Variants in DLG2 observed in about 807,000 individuals in gnomAD.
DLG2 encodes the protein disks large homolog 2.
In DLG2, 45 loss-of-function variants were observed where a neutral mutation model predicts 132.5. The observed-to-expected ratio is 0.34, with a 90% CI of 0.27 to 0.44. The LOEUF (loss-of-function observed/expected upper bound fraction) is 0.44. Among genes scored for constraint, DLG2 ranks in the 20% least tolerant of loss-of-function variants. The pLI, the probability that DLG2 is intolerant of heterozygous loss-of-function variation, is 1.00. For missense variants in DLG2, 1,045 were observed against 1,196.9 expected, an observed-to-expected ratio of 0.87 and a Z score of 1.87; for synonymous variants, 424 against 419.6, an observed-to-expected ratio of 1.01 and a Z score of -0.13.
intron 5 of DLG2, among the ~76,000 whole-genome samples, chr11:85,144,861 C>T (rs2152437404): frequency 6.6e-6 from 1 of 152,168 alleles, no homozygotes; most frequent in South Asian, 2.1e-4. Flanking sequence ...TTACACACCA[C>T]AATTACAGTG....
intron 11 of DLG2, among the ~76,000 whole-genome samples, chr11:84,047,674 T>G: frequency 6.6e-6 from 1 of 151,596 alleles, no homozygotes; most frequent in South Asian, 2.1e-4. Flanking sequence ...TAATTTTGAC[T>G]TCAAAAATTT....
chr11:83,871,819 C>T (rs1474012992), intron 16 of DLG2, among the ~76,000 whole-genome samples: 5 of 152,106 alleles, frequency 3.3e-5, no homozygotes, highest in Admixed American at 3.3e-4. Context: ...TACATATAAA[C>T]ATATTTAAAA....
intron 3 of DLG2, among the ~76,000 whole-genome samples, chr11:85,459,021 G>A (rs1474107097): frequency 1.3e-5 from 2 of 152,258 alleles, no homozygotes; most frequent in East Asian, 3.9e-4. Context: ...CTGTGCTTTG[G>A]GCTCAAGCTA....
intron 18 of DLG2, chr11:83,724,899 C>T (rs966740860): frequency 1.4e-6 from 1 of 702,396 alleles, no homozygotes; most frequent in African/African-American, 1.7e-5. Flanking sequence ...GCATAGCAGG[C>T]AGCTGCTTCC....
At chr11:85,500,770 GACACAA>G (rs2093782738) in intron 3 of DLG2, among the ~76,000 whole-genome samples, 1 of 152,064 alleles carries the variant, frequency 6.6e-6, no homozygotes, top group Non-Finnish European at 1.5e-5. Flanking sequence ...AATAAGAGAG[GACACAA>G]ACAAATGCAA....
At chr11:84,775,126 A>T (rs566749899) in intron 6 of DLG2, among the ~76,000 whole-genome samples, 17 of 152,308 alleles carry the variant, frequency 1.1e-4, no homozygotes, top group East Asian at 1.9e-4. Context: ...AAAGGACATG[A>T]ATAGACACTT....
chr11:83,785,632 A>C (rs2095025057), intron 18 of DLG2, among the ~76,000 whole-genome samples: 1 of 152,252 alleles, frequency 6.6e-6, no homozygotes, highest in Admixed American at 6.5e-5. Flanking sequence ...CAAAACATGC[A>C]TGGAAGAAAA....
At chr11:83,479,365 A>G (rs1029620396) in intron 22 of DLG2, among the ~76,000 whole-genome samples, 5 of 132,988 alleles carry the variant, frequency 3.8e-5, no homozygotes, top group Non-Finnish European at 8.2e-5. Flanking sequence ...GTAAAGTACC[A>G]TGCTATAACG....
intron 11 of DLG2, among the ~76,000 whole-genome samples, chr11:83,986,184 T>G (rs966018119): frequency 2.2e-4 from 33 of 151,714 alleles, no homozygotes; most frequent in African/African-American, 6.5e-4. Context: ...GCATTAGGTA[T>G]ATCTCCTAAA....
chr11:85,502,661 G>A (rs1034277726), intron 3 of DLG2, among the ~76,000 whole-genome samples: 1 of 152,030 alleles, frequency 6.6e-6, no homozygotes, highest in Non-Finnish European at 1.5e-5. Flanking sequence ...CGGGTTGGGG[G>A]CAAGGGGAGG....
chr11:84,938,088 G>A (rs1045306382), intron 6 of DLG2, among the ~76,000 whole-genome samples: 1 of 152,174 alleles, frequency 6.6e-6, no homozygotes, highest in Non-Finnish European at 1.5e-5. Context: ...TGTGAGGTTT[G>A]TATTATAATA....
chr11:84,221,070 T>C (rs185443314), intron 8 of DLG2, among the ~76,000 whole-genome samples: 30 of 151,938 alleles, frequency 2.0e-4, no homozygotes, highest in African/African-American at 7.0e-4. Flanking sequence ...TCTCAAAGTG[T>C]TGGGATTACA....
chr11:85,165,492 C>T (rs2078372938), intron 4 of DLG2, among the ~76,000 whole-genome samples: 1 of 152,140 alleles, frequency 6.6e-6, no homozygotes, highest in Non-Finnish European at 1.5e-5. Flanking sequence ...AGTAAACTGA[C>T]CTGATAAGAA....
chr11:85,147,327 AG>A (rs2076936837), intron 5 of DLG2, among the ~76,000 whole-genome samples: 1 of 152,108 alleles, frequency 6.6e-6, no homozygotes, highest in Non-Finnish European at 1.5e-5. Context: ...TTTTTGATAA[AG>A]CCATCCTAAT....
intron 7 of DLG2, among the ~76,000 whole-genome samples, chr11:84,503,610 C>T (rs568253700): frequency 1.8e-3 from 271 of 152,294 alleles, no homozygotes; most frequent in Middle Eastern, 3.4e-3. Context: ...AAGCTACCCT[C>T]ATTTCCAACA....
rs147356568 is a variant in DLG2 at position 85,311,082 on chromosome 11, A to G, written c.41-25717T>C. Reference sequence around the variant, plus strand: ...TAAGAATGATTTTTACATTTCTCAAATGTTATATAATACAAACAAACGTAA... The same window carrying G: ...TAAGAATGATTTTTACATTTCTCAAGTGTTATATAATACAAACAAACGTAA... On this transcript the variant is annotated intron_variant, in intron 3 of 27. Coordinates refer to ENST00000376104, the MANE Select transcript of DLG2 (RefSeq NM_001142699.3). 3.4e-4 allele frequency among the ~76,000 whole-genome samples: 52 copies of G among 152,314 alleles called. No individual in the cohort carries two copies. The East Asian group carries it at 4.4e-3, about 13-fold the overall frequency.
intron 6 of DLG2, among the ~76,000 whole-genome samples, chr11:84,576,271 C>T (rs1278831828): frequency 6.6e-6 from 1 of 152,120 alleles, no homozygotes; most frequent in Non-Finnish European, 1.5e-5. Context: ...TTAATGCCTG[C>T]CACATAATAT....
intron 15 of DLG2, among the ~76,000 whole-genome samples, chr11:83,899,601 G>A (rs2072832766): frequency 1.3e-5 from 2 of 152,140 alleles, no homozygotes; most frequent in Non-Finnish European, 2.9e-5. Flanking sequence ...TCAAAAATGG[G>A]AGTTTCCCTG....
At chr11:84,409,523 A>G (rs774302704) in intron 7 of DLG2, among the ~76,000 whole-genome samples, 26 of 152,252 alleles carry the variant, frequency 1.7e-4, no homozygotes, top group Middle Eastern at 3.2e-3. Context: ...CACACATTCA[A>G]TACAATACTT....
Sources: allele counts gnomAD v4.1 joint callset (sites outside exome capture counted in the v4.1 genomes callset), GRCh38; gene constraint gnomAD v4.1.1; transcripts MANE v1.5; gene names NCBI Gene and HGNC (gene_info 2026-07-23, HGNC 2026-07-21).